PRKCA: variants seen among roughly 807,000 people sequenced by gnomAD.
PRKCA encodes the protein protein kinase C alpha type.
PRKCA carries 27 observed loss-of-function variants against 87.0 expected under a neutral mutation model. The ratio of observed to expected loss-of-function variants is 0.31; its 90% confidence interval spans 0.23 to 0.43. The LOEUF is 0.43. Ranked by LOEUF, PRKCA falls within the 20% of genes least tolerant of loss-of-function variation. PRKCA has a pLI of 1.00. For missense variants in PRKCA, 518 were observed against 852.3 expected, an observed-to-expected ratio of 0.61 and a Z score of 4.88; for synonymous variants, 329 against 311.1, an observed-to-expected ratio of 1.06 and a Z score of -0.61.
intron 2 of PRKCA, among the ~76,000 whole-genome samples, chr17:66,370,223 T>C (rs1037852955): frequency 7.7e-6 from 1 of 130,672 alleles, no homozygotes; most frequent in Non-Finnish European, 1.6e-5. Flanking sequence ...AAAGCTATTT[T>C]GATACTTTTT....
intron 3 of PRKCA, among the ~76,000 whole-genome samples, chr17:66,639,950 G>A (rs926861975): frequency 2.6e-5 from 4 of 152,052 alleles, no homozygotes; most frequent in East Asian, 1.9e-4. Context: ...AGCCGAGCTC[G>A]TGCCACTGCA....
At chr17:66,358,436 A>T (rs1449530790) in intron 2 of PRKCA, among the ~76,000 whole-genome samples, 5 of 150,210 alleles carry the variant, frequency 3.3e-5, no homozygotes, top group African/African-American at 1.3e-4. Flanking sequence ...CCCTTCTAGT[A>T]CCTAGAAGGT....
intron 3 of PRKCA, among the ~76,000 whole-genome samples, chr17:66,576,759 G>A (rs1969247681): frequency 6.6e-6 from 1 of 152,268 alleles, no homozygotes; most frequent in East Asian, 1.9e-4. Flanking sequence ...TCCTGAGTGA[G>A]GAGCATTCAC....
At chr17:66,537,387 A>G (rs1401735677) in intron 3 of PRKCA, among the ~76,000 whole-genome samples, 5 of 152,244 alleles carry the variant, frequency 3.3e-5, no homozygotes, top group Non-Finnish European at 5.9e-5. Flanking sequence ...ATCTAAGGAT[A>G]TTAGGAGGTA....
intron 3 of PRKCA, among the ~76,000 whole-genome samples, chr17:66,638,558 G>A (rs2143785183): frequency 6.6e-6 from 1 of 152,188 alleles, no homozygotes; most frequent in South Asian, 2.1e-4. Context: ...AACTATTTCA[G>A]AATTCTCAAA....
intron 2 of PRKCA, among the ~76,000 whole-genome samples, chr17:66,449,848 C>T (rs1286426737): frequency 6.6e-6 from 1 of 152,028 alleles, no homozygotes; most frequent in Non-Finnish European, 1.5e-5. Flanking sequence ...CAGGTGTAGG[C>T]AGCTTTTTTG....
chr17:66,338,354 C>T (rs1906836490), intron 2 of PRKCA, among the ~76,000 whole-genome samples: 3 of 152,098 alleles, frequency 2.0e-5, no homozygotes, highest in Admixed American at 2.0e-4. Context: ...CTGTGCAAAA[C>T]CCCCACTTTG....
chr17:66,738,638 A>T (rs889049083), intron 10 of PRKCA, 126 bp from the exon 11 acceptor site: 1 of 758,376 alleles, frequency 1.3e-6, no homozygotes, highest in Non-Finnish European at 2.3e-6. Flanking sequence ...AGAGCTCTAA[A>T]CTGAGCACAT....
intron 2 of PRKCA, among the ~76,000 whole-genome samples, chr17:66,441,224 T>C (rs1469032379): frequency 6.8e-6 from 1 of 146,920 alleles, no homozygotes; most frequent in African/African-American, 2.6e-5. Flanking sequence ...GTGCCTGTGG[T>C]GCCAAGCTCC....
chr17:66,806,380 T>C lies in PRKCA; in HGVS notation c.*2343T>C, dbSNP rs1449908662. 1 of 152,174 alleles carries C rather than the reference T, an allele frequency of 6.6e-6. No homozygotes were observed. The allele number at this position is 152,174 out of a possible 1,614,324, so 9.4% of individuals were successfully genotyped here. ...GAACCATTTCTTCTGCCATCTTTTA[T>C]GCACCATAGACATCGAGACTCCAGG... On this transcript the variant is annotated 3_prime_UTR_variant, in exon 17 of 17. Transcript: ENST00000413366.
intron 2 of PRKCA, among the ~76,000 whole-genome samples, chr17:66,360,934 G>T (rs181235813): frequency 6.6e-6 from 1 of 151,896 alleles, no homozygotes; most frequent in Non-Finnish European, 1.5e-5. Flanking sequence ...TAAGAGTATC[G>T]TCTTTATCTG....
At chr17:66,470,141 TC>T (rs1915257795) in intron 2 of PRKCA, among the ~76,000 whole-genome samples, 1 of 150,492 alleles carries the variant, frequency 6.6e-6, no homozygotes, top group Non-Finnish European at 1.5e-5. Context: ...TGAAGGAGAT[TC>T]CCCTGACATA....
At chr17:66,589,368 A>G (rs1248286619) in intron 3 of PRKCA, among the ~76,000 whole-genome samples, 1 of 152,220 alleles carries the variant, frequency 6.6e-6, no homozygotes, top group Non-Finnish European at 1.5e-5. Context: ...TTTAGATTGT[A>G]GGTTTTTTTA....
In PRKCA at chr17:66,692,480, T is replaced by C. The variant is rs994862491; in HGVS notation, c.918+3433T>C. Among the ~76,000 whole-genome samples, 20 of 152,276 alleles carry C rather than the reference T, an allele frequency of 1.3e-4. 1 individual carries two copies. The highest frequency in any genetic ancestry group is 3.4e-3 in the Middle Eastern group (1 of 294). ...TGTTGAGGTCTATAAATGTGAGAGT[T>C]GCAAGACTTCCCCAGTGCCAAGTTA... On this transcript the variant is annotated intron_variant, in intron 8 of 16. Coordinates refer to ENST00000413366, the MANE Select transcript of PRKCA (RefSeq NM_002737.3).
In PRKCA at chr17:66,541,059, G is replaced by A. The variant is rs149412235; in HGVS notation, c.288+44776G>A. ...GGTATTCTCTGGCCATCTCAGAGCT[G>A]TTTAGGGACCATTCCAGCTACAGGG... is the stretch of plus-strand genomic sequence containing the variant. On this transcript the variant is annotated intron_variant, in intron 3 of 16. Coordinates refer to ENST00000413366, the MANE Select transcript of PRKCA (RefSeq NM_002737.3). 6.7e-3 allele frequency among the ~76,000 whole-genome samples: 1,019 copies of A among 152,290 alleles called. 10 individuals are homozygous for A. Among genetic ancestry groups the A allele is most frequent in the Non-Finnish European group, 0.011 (780 of 68,026 alleles).
At chr17:66,537,931 G>T (rs765752492) in intron 3 of PRKCA, among the ~76,000 whole-genome samples, 3 of 151,970 alleles carry the variant, frequency 2.0e-5, no homozygotes, top group African/African-American at 7.3e-5. Context: ...TCAGCTTCCC[G>T]AGTGGCTGGG....
intron 2 of PRKCA, among the ~76,000 whole-genome samples, chr17:66,471,499 A>C (rs1330088041): frequency 6.6e-6 from 1 of 152,214 alleles, no homozygotes; most frequent in African/African-American, 2.4e-5. Flanking sequence ...TGTGTTATAG[A>C]CAGTATAGTC....
At chr17:66,494,388 G>C (rs1272617394) in intron 2 of PRKCA, among the ~76,000 whole-genome samples, 1 of 152,194 alleles carries the variant, frequency 6.6e-6, no homozygotes, top group Non-Finnish European at 1.5e-5. Flanking sequence ...TTGAGCAAGG[G>C]CCTGTTTACT....
intron 12 of PRKCA, 113 bp from the exon 13 acceptor site, chr17:66,742,509 T>G: frequency 9.0e-7 from 1 of 1,111,336 alleles, no homozygotes; most frequent in Non-Finnish European, 1.3e-6. Flanking sequence ...GGACTTATAG[T>G]TAATATTGCC....
Sources: allele counts gnomAD v4.1 joint callset (sites outside exome capture counted in the v4.1 genomes callset), GRCh38; gene constraint gnomAD v4.1.1; transcripts MANE v1.5; gene names NCBI Gene and HGNC (gene_info 2026-07-23, HGNC 2026-07-21).